NPLOC4: variants seen among roughly 807,000 people sequenced by gnomAD.
NPLOC4 encodes NPL4 homolog, ubiquitin recognition factor.
Under a neutral mutation model 80.6 loss-of-function variants are expected in NPLOC4, and 18 were observed. The observed-to-expected ratio is 0.22, with a 90% CI of 0.15 to 0.33. The LOEUF is 0.33. Ranked by LOEUF, NPLOC4 falls within the 10% of genes least tolerant of loss-of-function variation. The probability of loss-of-function intolerance (pLI) is 1.00; values close to 1 mark genes in which losing one functional copy is unlikely to be tolerated. For missense variants in NPLOC4, 540 were observed against 786.1 expected, an observed-to-expected ratio of 0.69 and a Z score of 3.74; for synonymous variants, 313 against 301.5, an observed-to-expected ratio of 1.04 and a Z score of -0.39.
intron 11 of NPLOC4, among the ~76,000 whole-genome samples, chr17:81,590,487 G>C (rs549023078): frequency 1.3e-5 from 2 of 152,280 alleles, no homozygotes; most frequent in Admixed American, 6.5e-5. Flanking sequence ...GTTATGTGCT[G>C]ACTACAATCT....
chr17:81,568,350 C>T (rs532897145), intron 14 of NPLOC4, among the ~76,000 whole-genome samples: 12 of 152,362 alleles, frequency 7.9e-5, no homozygotes, highest in African/African-American at 2.9e-4. Context: ...ACTGGCTTTG[C>T]ACCTCTGTGA....
chr17:81,561,178 G>T (rs1050041352), intron 16 of NPLOC4, among the ~76,000 whole-genome samples: 1 of 151,960 alleles, frequency 6.6e-6, no homozygotes, highest in South Asian at 2.1e-4. Context: ...TGGCTGTCTC[G>T]AACTCCTGAC....
intron 11 of NPLOC4, among the ~76,000 whole-genome samples, chr17:81,590,873 G>C (rs1221636314): frequency 6.6e-6 from 1 of 152,156 alleles, no homozygotes; most frequent in Admixed American, 6.5e-5. Flanking sequence ...AGTGATGGCT[G>C]GCTTCAAAAC....
rs985508930 is a variant in NPLOC4, at chr17:81,594,293, A to C, written c.1120+1823T>G. On this transcript the variant is annotated intron_variant, in intron 11 of 16. Coordinates refer to ENST00000331134, the MANE Select transcript of NPLOC4 (RefSeq NM_017921.4). ...CCGTCTCAAAAAAAAAAAAAAAAAAAAAAAAAAAAAACTGACTCAACTAAT... is the reference window on the plus strand; with the variant it reads ...CCGTCTCAAAAAAAAAAAAAAAAAACAAAAAAAAAAACTGACTCAACTAAT... Among the ~76,000 whole-genome samples, 3 of 150,712 alleles carry C rather than the reference A, an allele frequency of 2.0e-5. No homozygotes were observed. The South Asian group carries it at 6.3e-4, about 31-fold the overall frequency.
At chr17:81,563,470 T>C (rs964945029) in intron 16 of NPLOC4, 2 of 158,318 alleles carry the variant, frequency 1.3e-5, no homozygotes, top group Non-Finnish European at 2.8e-5. Context: ...CTCCGAAAGC[T>C]GATGCAGGAG....
intron 2 of NPLOC4, among the ~76,000 whole-genome samples, chr17:81,623,464 CAAAAAAAA>C (rs60092546): frequency 9.7e-5 from 8 of 82,612 alleles, no homozygotes; most frequent in Non-Finnish European, 1.1e-4. Context: ...GACTTTGTTT[CAAAAAAAA>C]AAAAAAAAAA....
chr17:81,587,262 C>T (rs1161752282), intron 12 of NPLOC4, among the ~76,000 whole-genome samples: 1 of 152,154 alleles, frequency 6.6e-6, no homozygotes. Flanking sequence ...CTGCTCGAGG[C>T]CAGGAGTTCA....
rs2035539794 is a variant in NPLOC4, at chr17:81,617,723, G to A, written c.210-4229C>T. Among the ~76,000 whole-genome samples, 4 of 140,144 alleles carry A rather than the reference G, an allele frequency of 2.9e-5. No homozygotes were observed. In the South Asian group the frequency reaches 9.8e-4, roughly 34 times the overall value. 91.9% of individuals were successfully genotyped at this position (140,144 alleles called of 152,430 possible). ...TCTCATGCCGAGCCGAAGCTGGACT[G>A]TACTGCTGCCATCTCGGCTCACTGC... On this transcript the variant is annotated intron_variant, in intron 3 of 16. Transcript: ENST00000331134.
At position 81,558,111 on chromosome 17, in the gene NPLOC4, C is replaced by T. The variant is rs1244376102; in HGVS notation, c.*1148G>A. ...GAGCCATGCCCCGGCCTGGCCACGC[C>T]ACAGAGGAACGCAGAGCACACAAGC... is the stretch of plus-strand genomic sequence containing the variant. On this transcript the variant is annotated 3_prime_UTR_variant, in exon 17 of 17. Transcript: ENST00000331134. The T allele has an allele frequency of 6.6e-6, 1 of 152,584 alleles. No individual in the cohort carries two copies. The highest frequency in any genetic ancestry group is 2.4e-5 in the African/African-American group (1 of 41,470). 9.5% of individuals were successfully genotyped at this position (152,584 alleles called of 1,614,324 possible).
chr17:81,585,189 A>AAAAAAAAAG (rs2034544408), intron 12 of NPLOC4, among the ~76,000 whole-genome samples: 1 of 150,978 alleles, frequency 6.6e-6, no homozygotes, highest in Non-Finnish European at 1.5e-5. Context: ...AAAAAAAAAA[A>AAAAAAAAAG]AAAAAAGAGT....
intron 11 of NPLOC4, among the ~76,000 whole-genome samples, chr17:81,590,256 A>G (rs1320312282): frequency 1.3e-5 from 2 of 152,232 alleles, no homozygotes; most frequent in Non-Finnish European, 2.9e-5. Context: ...TGCCCACCCC[A>G]TCCTTCTCTC....
intron 2 of NPLOC4, among the ~76,000 whole-genome samples, chr17:81,627,915 G>A (rs528690907): frequency 6.6e-6 from 1 of 151,490 alleles, no homozygotes. Flanking sequence ...CAGCCTGGGC[G>A]ACAGAAAAAG....
chr17:81,582,550 T>A (rs1004506143), intron 12 of NPLOC4, among the ~76,000 whole-genome samples: 2 of 152,180 alleles, frequency 1.3e-5, no homozygotes, highest in African/African-American at 4.8e-5. Context: ...CACAGGCTCA[T>A]GACACAGCAC....
In NPLOC4 at chr17:81,610,196, G is replaced by A. The variant is rs776109703; in HGVS notation, c.435+14C>T. ...CCCACACTGGCCCAGAACTTACTCC[G>A]CAGAGACTCTCACCTCTAGAGGGAC... On this transcript the variant is annotated intron_variant, in intron 5 of 16. Coordinates refer to ENST00000331134, the MANE Select transcript of NPLOC4 (RefSeq NM_017921.4). The A allele has an allele frequency of 2.6e-5, 40 of 1,567,034 alleles. 1 individual carries two copies. Among genetic ancestry groups the A allele is most frequent in the South Asian group, 2.1e-4 (18 of 84,806 alleles).
At chr17:81,595,265 C>T (rs796434402) in intron 11 of NPLOC4, among the ~76,000 whole-genome samples, 59 of 151,514 alleles carry the variant, frequency 3.9e-4, no homozygotes, top group Middle Eastern at 3.4e-3. Flanking sequence ...AAAACCCAGT[C>T]GCTACTAAAA....
chr17:81,568,373 C>T (rs1388212298), intron 14 of NPLOC4, among the ~76,000 whole-genome samples: 2 of 152,208 alleles, frequency 1.3e-5, no homozygotes, highest in African/African-American at 4.8e-5. Context: ...ACCCCAAGTC[C>T]CCTGGGCGGA....
At chr17:81,610,346 CA>C in intron 4 of NPLOC4, 88 bp from the exon 5 acceptor site, 1 of 1,194,720 alleles carries the variant, frequency 8.4e-7, no homozygotes. Flanking sequence ...CCTACTTTAA[CA>C]GAGTGTTTCC....
At chr17:81,589,638 G>A (rs2034682579) in intron 11 of NPLOC4, among the ~76,000 whole-genome samples, 2 of 151,954 alleles carry the variant, frequency 1.3e-5, no homozygotes. Context: ...CACACACTTG[G>A]CTCCACAAAC....
intron 1 of NPLOC4, among the ~76,000 whole-genome samples, chr17:81,633,587 C>G (rs1340703536): frequency 6.6e-6 from 1 of 152,198 alleles, no homozygotes; most frequent in African/African-American, 2.4e-5. Context: ...AGAGACAGAC[C>G]TGACAACATG....
Sources: gnomAD v4.1 joint callset for allele counts (sites outside exome capture counted in the v4.1 genomes callset) on GRCh38, gnomAD v4.1.1 for gene constraint, MANE v1.5 for transcripts, NCBI Gene and HGNC (gene_info 2026-07-23, HGNC 2026-07-21) for gene names.